The following RPS6KC1 variants were observed in gnomAD, a reference collection of about 807,000 sequenced individuals.
The protein encoded by RPS6KC1 is inactive ribosomal protein S6 kinase delta-1.
Under a neutral mutation model 103.8 loss-of-function variants are expected in RPS6KC1, and 54 were observed. The observed-to-expected ratio is 0.52, with a 90% CI of 0.42 to 0.65. RPS6KC1 has a LOEUF of 0.65. Among genes scored for constraint, RPS6KC1 ranks in the 30% least tolerant of loss-of-function variants. The pLI, the probability that RPS6KC1 is intolerant of heterozygous loss-of-function variation, is 0.00. For synonymous variants in RPS6KC1, 439 were observed against 438.7 expected, an observed-to-expected ratio of 1.00 and a Z score of -0.01; for missense variants, 1,151 against 1,253.8, an observed-to-expected ratio of 0.92 and a Z score of 1.24.
the RPS6KC1 span, among the ~76,000 whole-genome samples, chr1:213,282,289 C>T: frequency 6.6e-6 from 1 of 152,210 alleles, no homozygotes; most frequent in Non-Finnish European, 1.5e-5. Context: ...AGCTTTGATG[C>T]TGATCCTGGA....
the RPS6KC1 span, among the ~76,000 whole-genome samples, chr1:213,460,748 G>A: frequency 6.6e-6 from 1 of 152,042 alleles, no homozygotes. Context: ...TCCATATTTA[G>A]TGCTTCCTTC....
the RPS6KC1 span, among the ~76,000 whole-genome samples, chr1:213,491,071 C>T: frequency 1.3e-5 from 2 of 152,182 alleles, no homozygotes; most frequent in Non-Finnish European, 2.9e-5. Flanking sequence ...TTGCCCACCC[C>T]AATGTTCACC....
chr1:213,616,685 A>G, the RPS6KC1 span, among the ~76,000 whole-genome samples: 1 of 152,166 alleles, frequency 6.6e-6, no homozygotes, highest in South Asian at 2.1e-4. Context: ...GCTACGTAAC[A>G]TAGTGGCATA....
intron 5 of RPS6KC1, among the ~76,000 whole-genome samples, chr1:213,123,656 A>C (rs909327502): frequency 6.6e-6 from 1 of 152,208 alleles, no homozygotes; most frequent in African/African-American, 2.4e-5. Context: ...TTCTTAATGG[A>C]AACTGGTATG....
the RPS6KC1 span, among the ~76,000 whole-genome samples, chr1:213,352,506 A>T: frequency 6.6e-6 from 1 of 152,204 alleles, no homozygotes; most frequent in African/African-American, 2.4e-5. Context: ...CAGGGGCCAC[A>T]ATATTGTAAG....
chr1:213,674,472 T>C, the RPS6KC1 span, among the ~76,000 whole-genome samples: 4 of 152,242 alleles, frequency 2.6e-5, no homozygotes, highest in East Asian at 7.7e-4. Flanking sequence ...GACATGATTT[T>C]ATTCTTTTTA....
chr1:213,505,987 G>A, the RPS6KC1 span, among the ~76,000 whole-genome samples: 7 of 152,186 alleles, frequency 4.6e-5, no homozygotes, highest in African/African-American at 1.7e-4. Flanking sequence ...CTTATTGGCT[G>A]TCATCTGCAT....
At chr1:213,646,754 A>G in the RPS6KC1 span, among the ~76,000 whole-genome samples, 2 of 152,018 alleles carry the variant, frequency 1.3e-5, no homozygotes, top group African/African-American at 2.4e-5. Context: ...TGAGGTCATC[A>G]TGGGGGCTGG....
At chr1:213,051,620 G>C (rs1298433752) in intron 1 of RPS6KC1, 111 bp downstream of exon 1, 2 of 758,666 alleles carry the variant, frequency 2.6e-6, no homozygotes, top group Admixed American at 2.3e-5. Flanking sequence ...GGGTGGGACT[G>C]GGTGCTGCTC....
chr1:213,602,124 T>TCTCTCTC, the RPS6KC1 span, among the ~76,000 whole-genome samples: 8 of 41,004 alleles, frequency 2.0e-4, no homozygotes, highest in African/African-American at 8.8e-4. Context: ...TTCTTTCTCT[T>TCTCTCTC]TCTTTCTTTC....
chr1:213,255,515 G>C (rs568004816), intron 12 of RPS6KC1, among the ~76,000 whole-genome samples: 1 of 152,158 alleles, frequency 6.6e-6, no homozygotes, highest in African/African-American at 2.4e-5. Flanking sequence ...GATGTTTATA[G>C]TAACTATCGT....
the RPS6KC1 span, among the ~76,000 whole-genome samples, chr1:213,426,005 A>T: frequency 3.3e-5 from 5 of 152,156 alleles, no homozygotes; most frequent in African/African-American, 1.2e-4. Flanking sequence ...AGATTGGAGT[A>T]GAGTGTTTTA....
intron 14 of RPS6KC1, among the ~76,000 whole-genome samples, chr1:213,266,931 CAAA>C (rs2094925459): frequency 6.9e-6 from 1 of 144,700 alleles, no homozygotes; most frequent in African/African-American, 2.8e-5. Flanking sequence ...AACAAACAAA[CAAA>C]CAAACAAACA....
At chr1:213,722,341 T>C in the RPS6KC1 span, among the ~76,000 whole-genome samples, 2 of 152,168 alleles carry the variant, frequency 1.3e-5, no homozygotes, top group African/African-American at 4.8e-5. Context: ...TGCTATTCTC[T>C]GGGTTTGGAA....
chr1:213,321,809 GCC>G, the RPS6KC1 span, among the ~76,000 whole-genome samples: 3 of 152,204 alleles, frequency 2.0e-5, no homozygotes, highest in Non-Finnish European at 4.4e-5. Context: ...CTTAAGGAAA[GCC>G]TTACTGAGAA....
chr1:213,541,973 T>C, the RPS6KC1 span, among the ~76,000 whole-genome samples: 1 of 152,302 alleles, frequency 6.6e-6, no homozygotes, highest in Admixed American at 6.5e-5. Context: ...GTTCTTGAGA[T>C]TTCTCCCTTA....
At chr1:213,235,338 T>A (rs1444695498) in intron 10 of RPS6KC1, among the ~76,000 whole-genome samples, 1 of 152,116 alleles carries the variant, frequency 6.6e-6, no homozygotes. Flanking sequence ...TGCATGGAGC[T>A]TACATTACAT....
intron 1 of RPS6KC1, among the ~76,000 whole-genome samples, chr1:213,060,966 G>T (rs534082665): frequency 2.6e-5 from 4 of 151,908 alleles, no homozygotes; most frequent in Non-Finnish European, 4.4e-5. Flanking sequence ...CTGCAGGCTG[G>T]GAAGTCCAAG....
At chr1:213,376,524 A>T in the RPS6KC1 span, among the ~76,000 whole-genome samples, 13 of 142,526 alleles carry the variant, frequency 9.1e-5, no homozygotes, top group South Asian at 2.2e-4. Flanking sequence ...ATTGAGAATT[A>T]AAAAAAAAAA....
Sources: allele counts gnomAD v4.1 joint callset (sites outside exome capture counted in the v4.1 genomes callset), GRCh38; gene constraint gnomAD v4.1.1; transcripts MANE v1.5; gene names NCBI Gene and HGNC (gene_info 2026-07-23, HGNC 2026-07-21).